CNTN3: variants seen among roughly 807,000 people sequenced by gnomAD.
CNTN3 encodes contactin-3.
CNTN3 carries 60 observed loss-of-function variants against 119.1 expected under a neutral mutation model. That is an observed-to-expected ratio of 0.50 (90% CI 0.41 to 0.62). CNTN3 has a LOEUF of 0.62. CNTN3 is among the 20% of genes least tolerant of loss of function. CNTN3 has a pLI of 0.00. For synonymous variants in CNTN3, 450 were observed against 438.7 expected (o/e 1.03, Z -0.32); for missense variants, 1,101 against 1,242.4 (o/e 0.89, Z 1.71).
intron 2 of CNTN3, among the ~76,000 whole-genome samples, chr3:74,501,781 A>C (rs1372150028): frequency 1.9e-5 from 1 of 53,284 alleles, no homozygotes. Context: ...ATCAGGGGAA[A>C]TTGCCAAAGG....
At chr3:74,508,874 T>C (rs767930179) in intron 2 of CNTN3, among the ~76,000 whole-genome samples, 16 of 152,168 alleles carry the variant, frequency 1.1e-4, no homozygotes, top group Non-Finnish European at 2.1e-4. Context: ...AGATATTTCT[T>C]TCATTTCCTT....
intron 13 of CNTN3, among the ~76,000 whole-genome samples, chr3:74,304,986 T>C (rs1254550426): frequency 6.6e-6 from 1 of 152,206 alleles, no homozygotes; most frequent in Non-Finnish European, 1.5e-5. Context: ...TCTCCCACTC[T>C]ATGATCTTTT....
intron 3 of CNTN3, among the ~76,000 whole-genome samples, chr3:74,488,016 AATT>A (rs1702890140): frequency 6.7e-6 from 1 of 148,900 alleles, no homozygotes. Context: ...ATTTATATAT[AATT>A]ATACTGTATA....
intron 11 of CNTN3, among the ~76,000 whole-genome samples, chr3:74,357,698 G>A (rs1363545404): frequency 1.3e-5 from 2 of 152,004 alleles, no homozygotes; most frequent in African/African-American, 2.4e-5. Context: ...GCTGCCAGTG[G>A]CCTCTATGTT....
intron 13 of CNTN3, among the ~76,000 whole-genome samples, chr3:74,316,711 G>T (rs1702838248): frequency 6.6e-6 from 1 of 152,042 alleles, no homozygotes; most frequent in Non-Finnish European, 1.5e-5. Context: ...AGATCACGAG[G>T]TCAGGAGATC....
intron 1 of CNTN3, among the ~76,000 whole-genome samples, chr3:74,531,159 T>C (rs1051702052): frequency 2.6e-5 from 4 of 151,976 alleles, no homozygotes; most frequent in Non-Finnish European, 5.9e-5. Context: ...GGGAGGGAGA[T>C]TAGTTTTCCC....
In CNTN3 at chr3:74,273,326, G is replaced by A. The variant is rs542015446; in HGVS notation, c.2705-5948C>T. Among the ~76,000 whole-genome samples, 30 of 152,276 alleles carry A rather than the reference G, an allele frequency of 2.0e-4. No individual in the cohort carries two copies. In the South Asian group the frequency reaches 2.5e-3, roughly 13 times the overall value. ...GGAGGCAGGCCTAGACTGCAGCTCC[G>A]ACTCGGATGGACAGAGCAGTGTGTG... On this transcript the variant is annotated intron_variant, in intron 20 of 22. Transcript: ENST00000263665.
At chr3:74,539,074 T>C (rs893699334) in intron 1 of CNTN3, among the ~76,000 whole-genome samples, 23 of 152,108 alleles carry the variant, frequency 1.5e-4, no homozygotes, top group African/African-American at 5.6e-4. Context: ...AAGCCTCCCA[T>C]TAATTTCGAT....
intron 1 of CNTN3, among the ~76,000 whole-genome samples, chr3:74,536,174 C>T (rs1464413917): frequency 2.0e-5 from 3 of 152,020 alleles, no homozygotes; most frequent in African/African-American, 7.2e-5. Context: ...CCTGAATGAG[C>T]TCCCCTGTAA....
chr3:74,293,379 G>GTTCA (rs1447000177), intron 19 of CNTN3, among the ~76,000 whole-genome samples: 3 of 152,100 alleles, frequency 2.0e-5, no homozygotes, highest in Non-Finnish European at 4.4e-5. Flanking sequence ...AATATAAGGA[G>GTTCA]AATCTATTAA....
At chr3:74,394,387 A>C (rs1704992556) in intron 5 of CNTN3, among the ~76,000 whole-genome samples, 1 of 152,162 alleles carries the variant, frequency 6.6e-6, no homozygotes, top group South Asian at 2.1e-4. Context: ...GCTATTAGAG[A>C]ACAGAAATAG....
chr3:74,433,709 C>A (rs530901872), intron 4 of CNTN3, among the ~76,000 whole-genome samples: 5 of 152,182 alleles, frequency 3.3e-5, no homozygotes, highest in Non-Finnish European at 7.3e-5. Flanking sequence ...TTTTCCTTTT[C>A]CCCAAGCACA....
intron 4 of CNTN3, among the ~76,000 whole-genome samples, chr3:74,435,613 A>T (rs1364959592): frequency 2.6e-5 from 4 of 152,176 alleles, no homozygotes; most frequent in Admixed American, 2.0e-4. Context: ...GTAAATGGGG[A>T]TATGAAGGAA....
At chr3:74,505,175 G>A (rs1703235311) in intron 2 of CNTN3, among the ~76,000 whole-genome samples, 1 of 151,888 alleles carries the variant, frequency 6.6e-6, no homozygotes, top group African/African-American at 2.4e-5. Flanking sequence ...AATGACATTA[G>A]CAATGACCCT....
At chr3:74,285,803 A>C (rs1201131915) in intron 19 of CNTN3, among the ~76,000 whole-genome samples, 2 of 79,614 alleles carry the variant, frequency 2.5e-5, no homozygotes, top group Admixed American at 2.2e-4. Context: ...ATATATATAT[A>C]TATATATATA....
At chr3:74,608,598 T>G (rs999176047) in intron 1 of CNTN3, among the ~76,000 whole-genome samples, 1 of 152,196 alleles carries the variant, frequency 6.6e-6, no homozygotes, top group Non-Finnish European at 1.5e-5. Flanking sequence ...AAGATGTTCA[T>G]CTGTTGTCAA....
intron 13 of CNTN3, among the ~76,000 whole-genome samples, chr3:74,324,182 T>C (rs767945409): frequency 2.0e-4 from 31 of 151,648 alleles, no homozygotes; most frequent in Non-Finnish European, 3.5e-4. Context: ...ATAACACAGA[T>C]AACCCACACC....
rs541888164 is a variant in CNTN3 at position 74,440,513 on chromosome 3, T to C, written c.359-15573A>G. ...AAAAAAAAAAGTCTCCCATAAAATA[T>C]AACTGTGGAATGTAGAGAAATGCAT... is the stretch of plus-strand genomic sequence containing the variant. On this transcript the variant is annotated intron_variant, in intron 4 of 22. Transcript: ENST00000263665. 2.5e-3 allele frequency among the ~76,000 whole-genome samples: 383 copies of C among 151,018 alleles called. 2 individuals are homozygous for C. The highest frequency in any genetic ancestry group is 8.8e-3 in the African/African-American group (365 of 41,250).
chr3:74,382,635 T>C (rs1261669725), intron 5 of CNTN3, among the ~76,000 whole-genome samples: 1 of 152,238 alleles, frequency 6.6e-6, no homozygotes, highest in Non-Finnish European at 1.5e-5. Flanking sequence ...TTTCTGTGCC[T>C]GGCTTTATTT....
Sources: gnomAD v4.1 joint callset for allele counts (sites outside exome capture counted in the v4.1 genomes callset) on GRCh38, gnomAD v4.1.1 for gene constraint, MANE v1.5 for transcripts, NCBI Gene and HGNC (gene_info 2026-07-23, HGNC 2026-07-21) for gene names.